The following ROCK1 variants were observed in gnomAD, a reference collection of about 807,000 sequenced individuals.
The protein encoded by ROCK1 is rho-associated protein kinase 1.
Under a neutral mutation model 196.8 loss-of-function variants are expected in ROCK1, and 36 were observed. The ratio of observed to expected loss-of-function variants is 0.18; its 90% CI spans 0.14 to 0.24. The LOEUF is 0.24. ROCK1 is among the 10% of genes least tolerant of loss of function. The pLI, the probability that ROCK1 is intolerant of heterozygous loss-of-function variation, is 1.00. For synonymous variants in ROCK1, 443 were observed against 515.9 expected, an observed-to-expected ratio of 0.86 and a Z score of 1.91; for missense variants, 920 against 1,562.0, an observed-to-expected ratio of 0.59 and a Z score of 6.93.
At chr18:20,998,151 T>C (rs1378042612) in intron 16 of ROCK1, among the ~76,000 whole-genome samples, 1 of 152,120 alleles carries the variant, frequency 6.6e-6, no homozygotes, top group Non-Finnish European at 1.5e-5. Flanking sequence ...AGCGGAATTT[T>C]TGAAACGATA....
intron 18 of ROCK1, among the ~76,000 whole-genome samples, chr18:20,990,610 C>T (rs2035615892): frequency 1.5e-5 from 2 of 131,848 alleles, no homozygotes; most frequent in Admixed American, 1.7e-4. Flanking sequence ...AGGAGAATTG[C>T]TTGAACCTGG....
chr18:21,039,886 C>T (rs759448289), intron 8 of ROCK1, among the ~76,000 whole-genome samples: 7 of 152,008 alleles, frequency 4.6e-5, no homozygotes, highest in Non-Finnish European at 7.4e-5. Context: ...CTGTGAAACC[C>T]CATCTCTACT....
intron 16 of ROCK1, among the ~76,000 whole-genome samples, chr18:20,994,768 T>C (rs2035656356): frequency 6.6e-6 from 1 of 152,204 alleles, no homozygotes; most frequent in Non-Finnish European, 1.5e-5. Flanking sequence ...TTTCCTCATT[T>C]ACTCTGTCTG....
chr18:20,975,450 C>A (rs147438873), intron 22 of ROCK1, among the ~76,000 whole-genome samples: 4 of 152,072 alleles, frequency 2.6e-5, no homozygotes, highest in Non-Finnish European at 5.9e-5. Flanking sequence ...TTACCCTTTC[C>A]ATTCAGTCTC....
intron 29 of ROCK1, among the ~76,000 whole-genome samples, chr18:20,955,646 TA>T (rs947669793): frequency 1.3e-5 from 2 of 148,402 alleles, no homozygotes; most frequent in African/African-American, 2.5e-5. Flanking sequence ...TATATCTATT[TA>T]AAAAAACCTG....
chr18:21,059,467 A>G (rs1355791974), intron 2 of ROCK1, among the ~76,000 whole-genome samples: 1 of 152,204 alleles, frequency 6.6e-6, no homozygotes, highest in Non-Finnish European at 1.5e-5. Flanking sequence ...TTAAGGATAG[A>G]GATTATACTT....
intron 14 of ROCK1, among the ~76,000 whole-genome samples, chr18:21,007,523 A>ATAGCC (rs1356343492): frequency 6.6e-6 from 1 of 152,230 alleles, no homozygotes; most frequent in Non-Finnish European, 1.5e-5. Flanking sequence ...GCTACAATGA[A>ATAGCC]TAGCCTTGTG....
At chr18:21,047,665 G>C (rs1392370923) in intron 4 of ROCK1, among the ~76,000 whole-genome samples, 1 of 151,962 alleles carries the variant, frequency 6.6e-6, no homozygotes, top group Non-Finnish European at 1.5e-5. Flanking sequence ...GTGGTGGCAG[G>C]CACCTGTCGT....
intron 21 of ROCK1, among the ~76,000 whole-genome samples, chr18:20,981,544 TTG>T (rs1409306626): frequency 2.0e-5 from 3 of 152,216 alleles, no homozygotes; most frequent in Non-Finnish European, 2.9e-5. Flanking sequence ...CAGACTCATA[TTG>T]TGTTAGTTGC....
intron 4 of ROCK1, among the ~76,000 whole-genome samples, chr18:21,048,267 C>T (rs1345096225): frequency 2.0e-5 from 3 of 152,044 alleles, no homozygotes; most frequent in Admixed American, 2.0e-4. Context: ...CACTGAAAAC[C>T]GAAAGACAAG....
chr18:21,063,864 T>G (rs1421052440), intron 2 of ROCK1, among the ~76,000 whole-genome samples: 1 of 152,222 alleles, frequency 6.6e-6, no homozygotes, highest in Admixed American at 6.5e-5. Flanking sequence ...GTCTTTTCTT[T>G]GGTTTATTAT....
At chr18:20,998,902 T>G (rs1256865625) in intron 16 of ROCK1, among the ~76,000 whole-genome samples, 3 of 152,032 alleles carry the variant, frequency 2.0e-5, no homozygotes, top group African/African-American at 7.2e-5. Flanking sequence ...AGCCACCGCA[T>G]CCGGCCCTTA....
rs1402668460 is a variant in ROCK1, at chr18:20,986,932, C to T, written c.2304+18G>A. ...TTCTCTTTTAATAGATGAACAAAGT[C>T]AGTACTATTTTTCTTACTTCATCCT... On this transcript the variant is annotated intron_variant, in intron 19 of 32. Transcript: ENST00000399799. 11 of 1,571,122 alleles carry T rather than the reference C, an allele frequency of 7.0e-6. No homozygotes were observed. The highest frequency in any genetic ancestry group is 9.5e-6 in the Non-Finnish European group (11 of 1,161,962).
At chr18:20,961,195 A>G (rs2035322949) in intron 27 of ROCK1, among the ~76,000 whole-genome samples, 1 of 152,174 alleles carries the variant, frequency 6.6e-6, no homozygotes, top group South Asian at 2.1e-4. Context: ...TTGAAACACA[A>G]AAGAATAGAA....
At chr18:21,035,084 C>T (rs1260477870) in intron 9 of ROCK1, among the ~76,000 whole-genome samples, 1 of 152,164 alleles carries the variant, frequency 6.6e-6, no homozygotes, top group Non-Finnish European at 1.5e-5. Flanking sequence ...TGAGATACCA[C>T]TTCACATCCA....
At position 20,948,349 on chromosome 18, in the gene ROCK1, T is replaced by C. The variant is rs1302638743; in HGVS notation, c.*3035A>G. On this transcript the variant is annotated 3_prime_UTR_variant, in exon 33 of 33. Transcript: ENST00000399799. ...CTGCAGTATCAACTGAATATCCATA[T>C]GGGAGAAATACTGCTTGATCTCTAC... The C allele has an allele frequency of 6.6e-6, 1 of 151,946 alleles. No individual in the cohort carries two copies. The highest frequency in any genetic ancestry group is 1.5e-5 in the Non-Finnish European group (1 of 68,052). The allele number at this position is 151,946 out of a possible 1,614,324, so 9.4% of individuals were successfully genotyped here. A position where few individuals can be genotyped will look rare whatever the true frequency, so the allele number is the denominator to read the frequency against.
At chr18:20,979,871 T>C (rs1249353019) in intron 22 of ROCK1, 39 bp downstream of exon 22, 2 of 1,506,858 alleles carry the variant, frequency 1.3e-6, no homozygotes, top group Non-Finnish European at 1.8e-6. Flanking sequence ...GAATGCCTGT[T>C]GCAGTACTGA....
intron 3 of ROCK1, 30 bp from the exon 4 acceptor site, chr18:21,049,259 C>A (rs375909182): frequency 3.4e-6 from 5 of 1,486,060 alleles, no homozygotes; most frequent in Admixed American, 4.3e-5. Context: ...AAATAATGAA[C>A]CTTTTGTTAA....
chr18:20,950,678 T>C lies in ROCK1; in HGVS notation c.*706A>G, dbSNP rs2035177634. On this transcript the variant is annotated 3_prime_UTR_variant, in exon 33 of 33. Coordinates refer to ENST00000399799, the MANE Select transcript of ROCK1 (RefSeq NM_005406.3). ...TGTCTCTAGTAGTAAAATAACTCAA[T>C]ATGGCTTGGCAAAAATGCATAGATT... 6.6e-6 allele frequency: 1 copy of C among 152,522 alleles called. No homozygotes were observed. The highest frequency in any genetic ancestry group is 2.4e-5 in the African/African-American group (1 of 41,410). The allele number at this position is 152,522 out of a possible 1,614,324, so 9.4% of individuals were successfully genotyped here.
Sources: gnomAD v4.1 joint callset for allele counts (sites outside exome capture counted in the v4.1 genomes callset) on GRCh38, gnomAD v4.1.1 for gene constraint, MANE v1.5 for transcripts, NCBI Gene and HGNC (gene_info 2026-07-23, HGNC 2026-07-21) for gene names.